COG5: variants seen among roughly 807,000 people sequenced by gnomAD.
COG5 encodes the protein conserved oligomeric Golgi complex subunit 5.
In COG5, 86 loss-of-function variants were observed where a neutral mutation model predicts 110.4. The ratio of observed to expected loss-of-function variants is 0.78; its 90% CI spans 0.65 to 0.93. The LOEUF is 0.93. COG5 is among the 40% of genes least tolerant of loss of function. COG5 has a pLI of 0.00. For missense variants in COG5, 1,077 were observed against 987.0 expected (o/e 1.09, Z -1.22); for synonymous variants, 360 against 334.6 (o/e 1.08, Z -0.83).
At chr7:107,375,085 TTC>T (rs1392365182) in intron 7 of COG5, among the ~76,000 whole-genome samples, 3 of 152,058 alleles carry the variant, frequency 2.0e-5, no homozygotes, top group African/African-American at 7.2e-5. Context: ...CAAAAATTTA[TTC>T]TGTTTTTGAA....
At chr7:107,235,555 T>C (rs1362519080) in intron 18 of COG5, among the ~76,000 whole-genome samples, 1 of 152,038 alleles carries the variant, frequency 6.6e-6, no homozygotes, top group African/African-American at 2.4e-5. Context: ...ATACAAAAAT[T>C]ATCCAGGCGT....
chr7:107,467,660 AT>A (rs574104025), intron 6 of COG5, among the ~76,000 whole-genome samples: 6 of 152,186 alleles, frequency 3.9e-5, no homozygotes, highest in Admixed American at 1.3e-4. Flanking sequence ...TCTGTAATTA[AT>A]TTTTTTCATG....
intron 11 of COG5, among the ~76,000 whole-genome samples, chr7:107,299,653 C>A (rs2395869): frequency 0.26 from 38,867 of 151,172 alleles, 5,005 homozygotes; most frequent in East Asian, 0.31. Context: ...GAGGCCAGCA[C>A]TGCCCTGATA....
chr7:107,398,347 G>A (rs564688419), intron 7 of COG5, among the ~76,000 whole-genome samples: 2 of 152,132 alleles, frequency 1.3e-5, no homozygotes, highest in Admixed American at 6.5e-5. Context: ...AGTAAGAGTC[G>A]GTGGCTGTTA....
chr7:107,401,132 C>G (rs1057255844), intron 7 of COG5, among the ~76,000 whole-genome samples: 1 of 151,842 alleles, frequency 6.6e-6, no homozygotes, highest in African/African-American at 2.4e-5. Context: ...CTTAGCACTG[C>G]GGCAACATAA....
At chr7:107,471,345 C>CTTAACCAA (rs1796621127) in intron 6 of COG5, 1 of 152,126 alleles carries the variant, frequency 6.6e-6, no homozygotes, top group African/African-American at 2.4e-5. Context: ...AACCCTATTT[C>CTTAACCAA]TTAACCAATT....
intron 6 of COG5, among the ~76,000 whole-genome samples, chr7:107,432,296 A>G (rs938340529): frequency 1.3e-5 from 2 of 152,224 alleles, no homozygotes; most frequent in South Asian, 2.1e-4. Context: ...GTAGTAAACT[A>G]AAGTTGAAAA....
At chr7:107,221,291 G>T (rs1799910247) in intron 19 of COG5, among the ~76,000 whole-genome samples, 1 of 151,958 alleles carries the variant, frequency 6.6e-6, no homozygotes, top group Non-Finnish European at 1.5e-5. Flanking sequence ...TGGGGGTGGG[G>T]TTCAGCCCTA....
At chr7:107,458,859 TTTC>T (rs1344455565) in intron 6 of COG5, among the ~76,000 whole-genome samples, 1 of 151,872 alleles carries the variant, frequency 6.6e-6, no homozygotes, top group Non-Finnish European at 1.5e-5. Flanking sequence ...AATTCATGTA[TTTC>T]ATGTACATTA....
chr7:107,539,466 C>A (rs1410584151), intron 5 of COG5, among the ~76,000 whole-genome samples: 1 of 152,140 alleles, frequency 6.6e-6, no homozygotes, highest in Non-Finnish European at 1.5e-5. Flanking sequence ...TGATCAATTT[C>A]CATGAAATGT....
chr7:107,347,118 T>G (rs557245462), intron 10 of COG5, among the ~76,000 whole-genome samples: 1 of 152,332 alleles, frequency 6.6e-6, no homozygotes, highest in African/African-American at 2.4e-5. Context: ...TTATTCTGAT[T>G]ATAAATAAGT....
intron 5 of COG5, among the ~76,000 whole-genome samples, chr7:107,533,989 AG>A (rs1382627626): frequency 1.3e-5 from 2 of 151,704 alleles, no homozygotes; most frequent in Non-Finnish European, 2.9e-5. Context: ...CCTACAAGCC[AG>A]AAGAGAGTAG....
chr7:107,499,437 G>T (rs1247953811), intron 6 of COG5, among the ~76,000 whole-genome samples: 18 of 148,642 alleles, frequency 1.2e-4, no homozygotes, highest in Non-Finnish European at 2.2e-4. Flanking sequence ...ATGGAGTCTC[G>T]CTCTGTTGTC....
intron 21 of COG5, chr7:107,208,028 A>T (rs1157482815): frequency 3.0e-6 from 3 of 985,488 alleles, no homozygotes; most frequent in Non-Finnish European, 3.6e-6. Context: ...CGGTTTGTCT[A>T]CAGGGGAAAG....
At chr7:107,345,772 A>T (rs1194326728) in intron 10 of COG5, among the ~76,000 whole-genome samples, 1 of 152,220 alleles carries the variant, frequency 6.6e-6, no homozygotes, top group African/African-American at 2.4e-5. Context: ...AAACACAAGA[A>T]ATCACATGAA....
intron 6 of COG5, among the ~76,000 whole-genome samples, chr7:107,508,547 C>T (rs892342437): frequency 5.3e-5 from 8 of 152,214 alleles, no homozygotes; most frequent in Admixed American, 3.9e-4. Flanking sequence ...TCTTCCACTA[C>T]GCAGCTGGAG....
At chr7:107,377,377 T>C (rs577178124) in intron 7 of COG5, among the ~76,000 whole-genome samples, 64 of 152,350 alleles carry the variant, frequency 4.2e-4, no homozygotes, top group Non-Finnish European at 8.5e-4. Flanking sequence ...TAATATTGTC[T>C]TAACTTTTTT....
At chr7:107,250,150 G>T (rs929858606) in intron 16 of COG5, among the ~76,000 whole-genome samples, 1 of 152,084 alleles carries the variant, frequency 6.6e-6, no homozygotes, top group Non-Finnish European at 1.5e-5. Flanking sequence ...ACTACAAAAA[G>T]GAGTACAACT....
At chr7:107,225,771 G>A (rs994951594) in intron 19 of COG5, among the ~76,000 whole-genome samples, 1 of 152,218 alleles carries the variant, frequency 6.6e-6, no homozygotes, top group Admixed American at 6.5e-5. Context: ...GGCTGGGCAT[G>A]GTGGCTCTTG....
Sources: gnomAD v4.1 joint callset for allele counts (sites outside exome capture counted in the v4.1 genomes callset) on GRCh38, gnomAD v4.1.1 for gene constraint, MANE v1.5 for transcripts, NCBI Gene and HGNC (gene_info 2026-07-23, HGNC 2026-07-21) for gene names.